NOS1: variants seen among roughly 807,000 people sequenced by gnomAD.
The protein encoded by NOS1 is nitric oxide synthase 1.
NOS1 carries 51 observed loss-of-function variants against 164.5 expected under a neutral mutation model. That is an observed-to-expected ratio of 0.31 (90% CI 0.25 to 0.39). The LOEUF is 0.39. Ranked by LOEUF, NOS1 falls within the 10% of genes least tolerant of loss-of-function variation. The pLI, the probability that NOS1 is intolerant of heterozygous loss-of-function variation, is 1.00. For missense variants in NOS1, 1,362 were observed against 1,885.6 expected, an observed-to-expected ratio of 0.72 and a Z score of 5.14; for synonymous variants, 719 against 745.8, an observed-to-expected ratio of 0.96 and a Z score of 0.59.
rs530456507 is a variant in NOS1, at chr12:117,259,222, G to A, written c.2368-92C>T. On this transcript the variant is annotated intron_variant, in intron 14 of 28. Transcript: ENST00000317775. ...GGAGAGACAAAAAGTGATGGGGGAAGGGCAAGAGGAGAGAAAGGAAAAATG... is the reference window on the plus strand; with the variant it reads ...GGAGAGACAAAAAGTGATGGGGGAAAGGCAAGAGGAGAGAAAGGAAAAATG... The A allele has an allele frequency of 1.6e-4, 129 of 806,386 alleles. No homozygotes were observed. The African/African-American group carries it at 1.9e-3, about 12-fold the overall frequency. 50.0% of individuals were successfully genotyped at this position (806,386 alleles called of 1,614,324 possible). A position where few individuals can be genotyped will look rare whatever the true frequency, so the allele number is the denominator to read the frequency against.
intron 20 of NOS1, among the ~76,000 whole-genome samples, chr12:117,242,133 A>T (rs1870227220): frequency 6.6e-6 from 1 of 152,230 alleles, no homozygotes; most frequent in Non-Finnish European, 1.5e-5. Flanking sequence ...GATATTGGTT[A>T]TATTGGATAT....
At chr12:117,217,885 GTC>G (rs1056035715) in intron 28 of NOS1, among the ~76,000 whole-genome samples, 159 bp downstream of exon 28, 1 of 152,162 alleles carries the variant, frequency 6.6e-6, no homozygotes, top group Non-Finnish European at 1.5e-5. Flanking sequence ...GATCCAGCAG[GTC>G]TGGGGTGGTC....
At chr12:117,361,198 C>A (rs952794009) in intron 1 of NOS1, among the ~76,000 whole-genome samples, 4 of 151,764 alleles carry the variant, frequency 2.6e-5, no homozygotes, top group Non-Finnish European at 5.9e-5. Flanking sequence ...TCGTACTCCT[C>A]CTCTTCCTCC....
intron 25 of NOS1, among the ~76,000 whole-genome samples, chr12:117,224,386 C>A (rs561709370): frequency 6.6e-6 from 1 of 152,090 alleles, no homozygotes; most frequent in African/African-American, 2.4e-5. Flanking sequence ...CCCGGGTTCA[C>A]GCCATTCTCT....
rs1956524579 is a variant in NOS1, at chr12:117,211,335, G to A, written c.*3974C>T. On this transcript the variant is annotated 3_prime_UTR_variant, in exon 29 of 29. Coordinates refer to ENST00000317775, the MANE Select transcript of NOS1 (RefSeq NM_000620.5). ...GCCAGGTACGCTGATTCAGTTCCTG[G>A]AGTCTCTTTATCACTACATCCGCCT... is the stretch of plus-strand genomic sequence containing the variant. 2.0e-6 allele frequency: 2 copies of A among 985,220 alleles called. No individual in the cohort carries two copies. The highest frequency in any genetic ancestry group is 6.2e-5 in the Admixed American group (1 of 16,216). 61.0% of individuals were successfully genotyped at this position (985,220 alleles called of 1,614,324 possible). A position where few individuals can be genotyped will look rare whatever the true frequency, so the allele number is the denominator to read the frequency against.
intron 1 of NOS1, among the ~76,000 whole-genome samples, chr12:117,335,773 A>G (rs1875790715): frequency 6.7e-6 from 1 of 149,990 alleles, no homozygotes; most frequent in South Asian, 2.1e-4. Context: ...AGAGAGAGAC[A>G]GGGTCTTGAT....
At chr12:117,335,768 G>GAGAGAGAGAGAGAGAGAC (rs1167677844) in intron 1 of NOS1, among the ~76,000 whole-genome samples, 2 of 143,212 alleles carry the variant, frequency 1.4e-5, no homozygotes, top group African/African-American at 2.6e-5. Flanking sequence ...GAGAGAGAGA[G>GAGAGAGAGAGAGAGAGAC]AGACAGGGTC....
At position 117,347,297 on chromosome 12, in the gene NOS1, GAA is replaced by G. The variant is rs34618211; in HGVS notation, c.-421+14213_-421+14214del. ...GAGTGTGACCCTGTCTCAAAACAAG[GAA>G]AAAAAAAAAAAGAAAAATAAACAAA... On this transcript the variant is annotated intron_variant, in intron 1 of 28. Transcript: ENST00000317775. 9.6e-4 allele frequency among the ~76,000 whole-genome samples: 135 copies of G among 140,442 alleles called. No homozygotes were observed. The East Asian group carries it at 0.011, about 12-fold the overall frequency. The allele number at this position is 140,442 out of a possible 152,430, so 92.1% of individuals were successfully genotyped here. A position where few individuals can be genotyped will look rare whatever the true frequency, so the allele number is the denominator to read the frequency against.
chr12:117,326,359 A>C (rs952944384), intron 2 of NOS1, among the ~76,000 whole-genome samples: 9 of 148,768 alleles, frequency 6.0e-5, no homozygotes, highest in Admixed American at 2.7e-4. Context: ...GCACTCCAGC[A>C]TGGGTGACAA....
chr12:117,305,081 G>A (rs1199348368), intron 3 of NOS1: 1 of 985,244 alleles, frequency 1.0e-6, no homozygotes, highest in Non-Finnish European at 1.2e-6. Context: ...GCAGGTAGTG[G>A]CTGGGTTCCT....
chr12:117,211,963 G>T lies in NOS1; in HGVS notation c.*3346C>A, dbSNP rs1474403705. 1.6e-6 allele frequency: 1 copy of T among 644,816 alleles called. No homozygotes were observed. The highest frequency in any genetic ancestry group is 1.9e-6 in the Non-Finnish European group (1 of 519,088). The allele number at this position is 644,816 out of a possible 1,614,324, so 39.9% of individuals were successfully genotyped here. A position where few individuals can be genotyped will look rare whatever the true frequency, so the allele number is the denominator to read the frequency against. On this transcript the variant is annotated 3_prime_UTR_variant, in exon 29 of 29. Coordinates refer to ENST00000317775, the MANE Select transcript of NOS1 (RefSeq NM_000620.5). ...GCCTGTAGTCCCAGTTACTCAGGAG[G>T]CCGAGGCAGAAGAATCACTTGAACT...
intron 4 of NOS1, among the ~76,000 whole-genome samples, chr12:117,289,866 A>T (rs1038082141): frequency 6.6e-6 from 1 of 152,188 alleles, no homozygotes; most frequent in African/African-American, 2.4e-5. Context: ...CTAAAGGGAA[A>T]GGAATATGCT....
intron 14 of NOS1, among the ~76,000 whole-genome samples, chr12:117,260,127 A>AC (rs1296390557): frequency 3.5e-5 from 5 of 142,890 alleles, no homozygotes; most frequent in South Asian, 2.1e-4. Context: ...TCAAAAAAAA[A>AC]AAAAAACAAA....
intron 16 of NOS1, among the ~76,000 whole-genome samples, chr12:117,256,653 AG>A (rs1364406755): frequency 1.3e-5 from 2 of 152,156 alleles, no homozygotes; most frequent in Non-Finnish European, 2.9e-5. Context: ...CTTAAGACAC[AG>A]GGATCTGCTT....
intron 1 of NOS1, among the ~76,000 whole-genome samples, chr12:117,335,597 C>T (rs1025566512): frequency 6.6e-6 from 1 of 152,136 alleles, no homozygotes; most frequent in African/African-American, 2.4e-5. Flanking sequence ...TCCCTCTCCA[C>T]CCTGAACCTC....
At chr12:117,320,036 A>C (rs1191136994) in intron 2 of NOS1, among the ~76,000 whole-genome samples, 1 of 152,254 alleles carries the variant, frequency 6.6e-6, no homozygotes, top group East Asian at 1.9e-4. Flanking sequence ...AAGCAAGGTC[A>C]GTGGACTTAG....
intron 3 of NOS1, among the ~76,000 whole-genome samples, chr12:117,301,780 G>A (rs1424422955): frequency 6.6e-6 from 1 of 152,218 alleles, no homozygotes; most frequent in Non-Finnish European, 1.5e-5. Context: ...ATGCAGCCTT[G>A]TCATGACTCA....
At chr12:117,268,739 G>A (rs1872598214) in intron 10 of NOS1, among the ~76,000 whole-genome samples, 1 of 151,100 alleles carries the variant, frequency 6.6e-6, no homozygotes, top group Non-Finnish European at 1.5e-5. Flanking sequence ...ACAGGCGGCC[G>A]CCACCACGCC....
chr12:117,302,390 C>T (rs191387009), intron 3 of NOS1, among the ~76,000 whole-genome samples: 3,365 of 151,986 alleles, frequency 0.022, 137 homozygotes, highest in African/African-American at 0.076. Context: ...GTCAGGAGAT[C>T]GAGACCATCC....
Sources: allele counts gnomAD v4.1 joint callset (sites outside exome capture counted in the v4.1 genomes callset), GRCh38; gene constraint gnomAD v4.1.1; transcripts MANE v1.5; gene names NCBI Gene and HGNC (gene_info 2026-07-23, HGNC 2026-07-21).